The following TTF1 variants were observed in gnomAD, a reference collection of about 807,000 sequenced individuals.
TTF1 encodes transcription termination factor, RNA polymerase I.
Under a neutral mutation model 80.2 loss-of-function variants are expected in TTF1, and 64 were observed. The observed-to-expected ratio is 0.80, with a 90% CI of 0.65 to 0.98. TTF1 has a LOEUF of 0.98. Ranked by LOEUF, TTF1 falls within the 50% of genes least tolerant of loss-of-function variation. The pLI is 0.00. For missense variants in TTF1, 1,023 were observed against 1,086.2 expected (o/e 0.94, Z 0.82); for synonymous variants, 372 against 382.7 (o/e 0.97, Z 0.33).
At chr9:132,386,666 T>G in intron 8 of TTF1, 45 bp from the exon 9 acceptor site, 1 of 1,521,404 alleles carries the variant, frequency 6.6e-7, no homozygotes, top group Admixed American at 1.7e-5. Flanking sequence ...AAAATAATCA[T>G]GATAGCCATC....
chr9:132,383,454 C>A (rs1186282124), intron 9 of TTF1, among the ~76,000 whole-genome samples: 1 of 152,068 alleles, frequency 6.6e-6, no homozygotes, highest in Non-Finnish European at 1.5e-5. Flanking sequence ...GTGGTATCTG[C>A]CACTAACTCT....
chr9:132,389,977 A>C (rs771951790), intron 7 of TTF1, among the ~76,000 whole-genome samples: 26 of 151,874 alleles, frequency 1.7e-4, no homozygotes, highest in East Asian at 3.9e-4. Flanking sequence ...TTCTCTCTAT[A>C]TATTTTTTAT....
chr9:132,379,000 TACC>T, intron 10 of TTF1, 56 bp downstream of exon 10: 1 of 1,359,444 alleles, frequency 7.4e-7, no homozygotes, highest in Non-Finnish European at 1.0e-6. Context: ...TGACTTTCAT[TACC>T]AGCATGTGGC....
rs1247388876 is a variant in TTF1, at chr9:132,406,789, C to T, written c.-8+1G>A. The stretch of plus-strand genomic sequence containing the variant: ...AAACAACAAAGGCGCTTTCAACTTA[C>T]CCTCCGAAAGCGCCGCCACCTTTCT... On this transcript the variant is annotated splice_donor_variant, in intron 1 of 10. Coordinates refer to ENST00000334270, the MANE Select transcript of TTF1 (RefSeq NM_007344.4). LOFTEE classifies it low-confidence loss of function (5UTR_SPLICE). The T allele has an allele frequency of 6.6e-6, 1 of 152,174 alleles. No individual in the cohort carries two copies. Among genetic ancestry groups the T allele is most frequent in the Non-Finnish European group, 1.5e-5 (1 of 68,034 alleles). 9.4% of individuals were successfully genotyped at this position (152,174 alleles called of 1,614,324 possible).
chr9:132,395,886 G>A (rs1173914754), intron 5 of TTF1, among the ~76,000 whole-genome samples: 1 of 152,158 alleles, frequency 6.6e-6, no homozygotes, highest in East Asian at 1.9e-4. Flanking sequence ...CTCGGTCTAC[G>A]TTTGGTTTGT....
At chr9:132,376,841 T>C (rs1662723795) in intron 10 of TTF1, among the ~76,000 whole-genome samples, 1 of 151,890 alleles carries the variant, frequency 6.6e-6, no homozygotes, top group Non-Finnish European at 1.5e-5. Context: ...CCACCATGCC[T>C]GGACACTTTT....
At chr9:132,405,858 C>A (rs1489176671) in intron 1 of TTF1, among the ~76,000 whole-genome samples, 1 of 152,138 alleles carries the variant, frequency 6.6e-6, no homozygotes, top group African/African-American at 2.4e-5. Flanking sequence ...CAAAAACAGC[C>A]CATTCCATCA....
chr9:132,397,376 A>C (rs1431616766), intron 4 of TTF1, among the ~76,000 whole-genome samples: 1 of 152,192 alleles, frequency 6.6e-6, no homozygotes, highest in Admixed American at 6.5e-5. Flanking sequence ...TATCCTCTTT[A>C]AATTCAAGAG....
At position 132,387,870 on chromosome 9, in the gene TTF1, C is replaced by T. The variant is rs3780821; in HGVS notation, c.2312+269G>A. Among the ~76,000 whole-genome samples, 2,920 of 152,304 alleles carry T rather than the reference C, an allele frequency of 0.019. 67 individuals are homozygous for T. Among genetic ancestry groups the T allele is most frequent in the African/African-American group, 0.052 (2,157 of 41,550 alleles). ...GAAATGCTTCAAAGACTAAAATACA[C>T]GGAGTATACAGTATGTTTCACACGT... On this transcript the variant is annotated intron_variant, in intron 8 of 10. Coordinates refer to ENST00000334270, the MANE Select transcript of TTF1 (RefSeq NM_007344.4).
chr9:132,396,260 G>A (rs1451202352), intron 5 of TTF1, among the ~76,000 whole-genome samples, 173 bp downstream of exon 5: 2 of 152,196 alleles, frequency 1.3e-5, no homozygotes, highest in African/African-American at 4.8e-5. Context: ...CTAAAGAGGT[G>A]GGGATGGAAA....
chr9:132,394,286 A>AT (rs879769239), intron 5 of TTF1, among the ~76,000 whole-genome samples: 178 of 144,270 alleles, frequency 1.2e-3, no homozygotes, highest in African/African-American at 2.1e-3. Context: ...ATTCTTCACT[A>AT]TTTTTTTTTT....
chr9:132,393,729 G>A (rs372199699), intron 5 of TTF1, among the ~76,000 whole-genome samples: 7 of 152,002 alleles, frequency 4.6e-5, no homozygotes, highest in East Asian at 3.8e-4. Flanking sequence ...AGGGTCTCCC[G>A]GACCGAGCTG....
chr9:132,396,559 C>A, intron 4 of TTF1, 48 bp from the exon 5 acceptor site: 2 of 1,558,640 alleles, frequency 1.3e-6, no homozygotes, highest in South Asian at 1.1e-5. Flanking sequence ...GAAATGAAGT[C>A]GCAATTGTAA....
intron 7 of TTF1, 23 bp from the exon 8 acceptor site, chr9:132,388,251 AT>A (rs749758228): frequency 6.5e-7 from 1 of 1,540,188 alleles, no homozygotes; most frequent in African/African-American, 1.4e-5. Context: ...GAAGAAAAAC[AT>A]AGTTTACTTT....
Position 132,375,980 on chromosome 9 carries a change from C to T in TTF1, c.2653G>A (p.Ala885Thr), listed in dbSNP as rs1589812143. The change falls in exon 11 of 11, where the codon GCG becomes ACG. Residue 885 changes from alanine to threonine, a missense_variant. Ala to Thr is a moderately conservative substitution (Grantham distance 58, BLOSUM62 0). Coordinates refer to ENST00000334270, the MANE Select transcript of TTF1 (RefSeq NM_007344.4). ...EDIEKESEGQ[A>T]PCMAHACNSS... ...TTACAGGCGTGAGCCATGCATGGCG[C>T]CTGGCCTTCGCTTTCTTTTTCTATG... 1.2e-6 allele frequency: 2 copies of T among 1,613,546 alleles called. No individual in the cohort carries two copies. The highest frequency in any genetic ancestry group is 8.5e-7 in the Non-Finnish European group (1 of 1,179,834).
Position 132,376,032 on chromosome 9 carries a change from A to G in TTF1, c.2601T>C (p.Tyr867=), listed in dbSNP as rs1168562688. 1 of 1,614,226 alleles carries G rather than the reference A, an allele frequency of 6.2e-7. No homozygotes were observed. The highest frequency in any genetic ancestry group is 1.1e-5 in the South Asian group (1 of 91,080). ...KQVFPFRDIF[Y]YEDDSEGEDI... is the part of the protein sequence containing the mutation. Reference sequence around the variant, plus strand: ...CCTCTCCTTCACTATCGTCTTCATAATAAAAGATGTCTCGAAATGGGAAAA... The same window carrying G: ...CCTCTCCTTCACTATCGTCTTCATAGTAAAAGATGTCTCGAAATGGGAAAA... The change falls in exon 11 of 11, where the codon TAT becomes TAC. Residue 867 remains tyrosine (Y), a synonymous_variant. Transcript: ENST00000334270.
Position 132,402,391 on chromosome 9 carries a change from T to G in TTF1, c.431A>C (p.Lys144Thr), listed in dbSNP as rs142064204. Residue 144 changes from lysine to threonine, a missense_variant, in exon 2 of 11, where the codon AAA becomes ACA. Transcript: ENST00000334270. The stretch of plus-strand genomic sequence containing the variant: ...ATGTGACTTAGCAAGTACCTGAAAT[T>G]TGTCTGTTTTAGGCTTTCTTGGTAA... ...QKLPRKPKTDKFQVLAKSHAH... is the reference protein window; with the variant it reads ...QKLPRKPKTDTFQVLAKSHAH... The G allele has an allele frequency of 1.9e-6, 3 of 1,614,082 alleles. No individual in the cohort carries two copies. In the African/African-American group the frequency reaches 4.0e-5, roughly 22 times the overall value.
In TTF1 at chr9:132,401,732, CCA is replaced by C; in HGVS notation, c.1088_1089del (p.Val363GlyfsTer3). On this transcript the variant is annotated frameshift_variant, in exon 2 of 11. Transcript: ENST00000334270. LOFTEE classifies it high-confidence loss of function. ...LESAYPEGSQ[V>X]GSEVGTVEGS... ...CCTTCCACAGTCCCAACCTCACTGC[CCA>C]CCTGTGATCCTTCAGGGTATGCACT... 1.2e-6 allele frequency: 2 copies of C among 1,614,252 alleles called. No individual in the cohort carries two copies. Among genetic ancestry groups the C allele is most frequent in the Non-Finnish European group, 1.7e-6 (2 of 1,180,052 alleles).
Position 132,401,791 on chromosome 9 carries a change from A to G in TTF1, c.1031T>C (p.Phe344Ser). The G allele has an allele frequency of 6.2e-7, 1 of 1,613,740 alleles. No individual in the cohort carries two copies. The highest frequency in any genetic ancestry group is 8.5e-7 in the Non-Finnish European group (1 of 1,179,952). ...GCTCTCAGGCATGGCCACTGCCTCA[A>G]ATTCCTGGTGATTGGACTTTTTCTT... ...KKKKKSNHQEFEAVAMPESLE... is the reference protein window; with the variant it reads ...KKKKKSNHQESEAVAMPESLE... Residue 344 changes from phenylalanine (F) to serine (S), a missense_variant, in exon 2 of 11, where the codon TTT becomes TCT. Physicochemically the swap from Phe to Ser is radical, Grantham distance 155. Coordinates refer to ENST00000334270, the MANE Select transcript of TTF1 (RefSeq NM_007344.4).
Sources: allele counts gnomAD v4.1 joint callset (sites outside exome capture counted in the v4.1 genomes callset), GRCh38; gene constraint gnomAD v4.1.1; transcripts MANE v1.5; gene names NCBI Gene and HGNC (gene_info 2026-07-23, HGNC 2026-07-21).